Variants in MEIS2 observed in about 807,000 individuals in gnomAD.
MEIS2 encodes the protein Meis homeobox 2.
A neutral mutation model predicts 58.6 loss-of-function variants in MEIS2; 9 were observed. The ratio of observed to expected loss-of-function variants is 0.15; its 90% confidence interval spans 0.09 to 0.27. The LOEUF is 0.27. Among genes scored for constraint, MEIS2 ranks in the 10% least tolerant of loss-of-function variants. MEIS2 has a pLI of 1.00. For missense variants in MEIS2, 427 were observed against 635.0 expected (o/e 0.67, Z 3.52); for synonymous variants, 221 against 228.4 (o/e 0.97, Z 0.29).
intron 6 of MEIS2, among the ~76,000 whole-genome samples, chr15:37,085,949 A>G (rs1892829202): frequency 6.6e-6 from 1 of 152,214 alleles, no homozygotes; most frequent in African/African-American, 2.4e-5. Context: ...CATGGAAAAA[A>G]AAAGAAAGAA....
At chr15:36,995,706 T>TAAAAAAAAAAAAA (rs71821151) in intron 8 of MEIS2, among the ~76,000 whole-genome samples, 3 of 4,120 alleles carry the variant, frequency 7.3e-4, no homozygotes, top group East Asian at 6.9e-3. Context: ...TTACAGCTAC[T>TAAAAAAAAAAAAA]AAAAAAAAAA....
intron 1 of MEIS2, chr15:37,099,110 C>G: frequency 3.9e-6 from 4 of 1,030,720 alleles, no homozygotes; most frequent in South Asian, 4.5e-5. Flanking sequence ...GCAGGAGAAC[C>G]GGGGGAATCG....
At chr15:37,053,671 GT>G (rs2063019895) in intron 7 of MEIS2, among the ~76,000 whole-genome samples, 1 of 152,090 alleles carries the variant, frequency 6.6e-6, no homozygotes, top group Non-Finnish European at 1.5e-5. Flanking sequence ...GATAAAAAAT[GT>G]GAAAACAACT....
chr15:37,055,996 T>C (rs1424189217), intron 7 of MEIS2, among the ~76,000 whole-genome samples: 1 of 152,204 alleles, frequency 6.6e-6, no homozygotes, highest in Non-Finnish European at 1.5e-5. Context: ...AGCATCAAAA[T>C]CACTCACAAC....
intron 8 of MEIS2, among the ~76,000 whole-genome samples, chr15:37,031,026 T>C (rs556171449): frequency 6.6e-5 from 10 of 152,224 alleles, no homozygotes; most frequent in Non-Finnish European, 1.3e-4. Flanking sequence ...CCCAGGTCCA[T>C]TGGTCAAAGC....
At chr15:37,012,888 C>T (rs1207316617) in intron 8 of MEIS2, among the ~76,000 whole-genome samples, 2 of 151,914 alleles carry the variant, frequency 1.3e-5, no homozygotes, top group South Asian at 2.1e-4. Flanking sequence ...GTATATATTA[C>T]AGTATATAAA....
Position 37,100,526 on chromosome 15 carries a change from G to C in MEIS2, c.-1060C>G, listed in dbSNP as rs983920064. On this transcript the variant is annotated 5_prime_UTR_variant, in exon 1 of 12. Coordinates refer to ENST00000561208, the MANE Select transcript of MEIS2 (RefSeq NM_170675.5). ...GGAGCGAGGAGGAGCGCGCCGCGCC[G>C]AGCCTCTGATATGCAACGAGTGCGA... 2 of 143,308 alleles carry C rather than the reference G, an allele frequency of 1.4e-5. No individual in the cohort carries two copies. Among genetic ancestry groups the C allele is most frequent in the African/African-American group, 5.1e-5 (2 of 39,250 alleles). 8.9% of individuals were successfully genotyped at this position (143,308 alleles called of 1,614,324 possible). A position where few individuals can be genotyped will look rare whatever the true frequency, so the allele number is the denominator to read the frequency against.
intron 8 of MEIS2, among the ~76,000 whole-genome samples, chr15:36,996,022 TGTATATATATACACACACACACAC>T (rs2060505077): frequency 1.1e-5 from 1 of 93,962 alleles, no homozygotes; most frequent in African/African-American, 3.3e-5. Context: ...TATACATATG[TGTATATATATACACACACACACAC>T]ATATATATAT....
chr15:37,013,624 T>A (rs546829628), intron 8 of MEIS2, among the ~76,000 whole-genome samples: 406 of 148,292 alleles, frequency 2.7e-3, no homozygotes, highest in Admixed American at 7.3e-3. Flanking sequence ...TACATATATA[T>A]ATAATACATA....
At chr15:36,897,509 C>CCTA (rs1211739714) in intron 9 of MEIS2, 1 of 152,150 alleles carries the variant, frequency 6.6e-6, no homozygotes, top group Admixed American at 6.5e-5. Context: ...AAAATAAGTG[C>CCTA]CTACTTCATG....
intron 7 of MEIS2, among the ~76,000 whole-genome samples, chr15:37,076,387 G>A (rs1891418026): frequency 6.6e-6 from 1 of 151,984 alleles, no homozygotes; most frequent in Admixed American, 6.6e-5. Flanking sequence ...GTGCTCTGGA[G>A]GGCTTCAACA....
Position 37,008,441 on chromosome 15 carries a change from T to C in MEIS2, c.900+28373A>G, listed in dbSNP as rs182058691. 4.6e-3 allele frequency among the ~76,000 whole-genome samples: 701 copies of C among 152,332 alleles called. 2 individuals carry two copies. The highest frequency in any genetic ancestry group is 7.1e-3 in the Non-Finnish European group (481 of 68,010). On this transcript the variant is annotated intron_variant, in intron 8 of 11. Transcript: ENST00000561208. ...AAGCCAGCAAAGATAAAACACAAAATGAAGTCTGCCATTTGAGATCTTTCA... is the reference window on the plus strand; with the variant it reads ...AAGCCAGCAAAGATAAAACACAAAACGAAGTCTGCCATTTGAGATCTTTCA...
At chr15:37,057,724 C>G (rs7176803) in intron 7 of MEIS2, among the ~76,000 whole-genome samples, 6,485 of 152,004 alleles carry the variant, frequency 0.043, 181 homozygotes, top group East Asian at 0.093. Context: ...TTTTTCCCCC[C>G]GGTAGAGTTT....
intron 8 of MEIS2, among the ~76,000 whole-genome samples, chr15:36,953,320 C>G (rs959385308): frequency 6.6e-6 from 1 of 152,116 alleles, no homozygotes; most frequent in Non-Finnish European, 1.5e-5. Context: ...ACATGGGAAG[C>G]CTTCACTTCT....
intron 7 of MEIS2, among the ~76,000 whole-genome samples, chr15:37,056,353 G>C (rs1019140376): frequency 2.0e-5 from 3 of 152,116 alleles, no homozygotes; most frequent in Admixed American, 6.5e-5. Context: ...AAAATGCCAA[G>C]TCATTTCATG....
chr15:37,029,496 T>C (rs376255111), intron 8 of MEIS2, among the ~76,000 whole-genome samples: 3 of 152,162 alleles, frequency 2.0e-5, no homozygotes, highest in Admixed American at 6.5e-5. Flanking sequence ...TTAAAAGATG[T>C]CTAATGATAG....
At chr15:37,060,146 G>T (rs1889010126) in intron 7 of MEIS2, among the ~76,000 whole-genome samples, 1 of 151,938 alleles carries the variant, frequency 6.6e-6, no homozygotes, top group Admixed American at 6.6e-5. Flanking sequence ...TTGCCATGTT[G>T]CCCAGACTAG....
chr15:36,914,857 C>G (rs1180046144), intron 9 of MEIS2, among the ~76,000 whole-genome samples: 3 of 152,120 alleles, frequency 2.0e-5, no homozygotes, highest in Non-Finnish European at 2.9e-5. Flanking sequence ...CCCCACAAAT[C>G]TATACCAATA....
intron 8 of MEIS2, among the ~76,000 whole-genome samples, chr15:36,999,933 G>A (rs1268360074): frequency 6.6e-6 from 1 of 152,070 alleles, no homozygotes; most frequent in African/African-American, 2.4e-5. Flanking sequence ...GAGTGATCAT[G>A]GCACACAACT....
Sources: gnomAD v4.1 joint callset for allele counts (sites outside exome capture counted in the v4.1 genomes callset) on GRCh38, gnomAD v4.1.1 for gene constraint, MANE v1.5 for transcripts, NCBI Gene and HGNC (gene_info 2026-07-23, HGNC 2026-07-21) for gene names.